TBCEL: variants seen among roughly 807,000 people sequenced by gnomAD.
The protein encoded by TBCEL is tubulin folding cofactor E like.
Under a neutral mutation model 44.2 loss-of-function variants are expected in TBCEL, and 15 were observed. That is an observed-to-expected ratio of 0.34 (90% confidence interval 0.23 to 0.52). The LOEUF (loss-of-function observed/expected upper bound fraction) is 0.52, where lower values mean the gene tolerates loss of function less well. Ranked by LOEUF, TBCEL falls within the 20% of genes least tolerant of loss-of-function variation. TBCEL has a pLI of 0.95. For synonymous variants in TBCEL, 171 were observed against 185.4 expected (o/e 0.92, Z 0.63); for missense variants, 319 against 506.3 (o/e 0.63, Z 3.55).
At position 121,060,018 on chromosome 11, in the gene TBCEL, C is replaced by T. The variant is rs377427847; in HGVS notation, c.889C>T (p.Arg297Ter). ...TGGCAGCGTTGTTACTGATGGTGAACGAGAAGATTCTGAGAGATTTTTTAT... is the reference window on the plus strand; with the variant it reads ...TGGCAGCGTTGTTACTGATGGTGAATGAGAAGATTCTGAGAGATTTTTTAT... ...LNGSVVTDGE[R>*]EDSERFFIRY... The change falls in exon 8 of 9, where the codon CGA becomes TGA. Residue 297 changes from arginine (R) to a stop codon, truncating the protein, a stop_gained. Transcript: ENST00000683345. LOFTEE classifies it high-confidence loss of function. The T allele has an allele frequency of 6.2e-7, 1 of 1,611,298 alleles. No individual in the cohort carries two copies. Among genetic ancestry groups the T allele is most frequent in the African/African-American group, 1.3e-5 (1 of 74,880 alleles).
chr11:121,068,654 T>C (rs10892669), intron 8 of TBCEL, among the ~76,000 whole-genome samples: 34,326 of 151,552 alleles, frequency 0.23, 3,958 homozygotes, highest in East Asian at 0.33. Context: ...GAGGCCAAGG[T>C]GTGCAGATCA....
chr11:121,041,979 T>C (rs570385630), intron 2 of TBCEL, among the ~76,000 whole-genome samples: 1 of 151,886 alleles, frequency 6.6e-6, no homozygotes, highest in Admixed American at 6.6e-5. Context: ...TATGGGACCA[T>C]GAGGAAAAGC....
chr11:121,037,228 A>G (rs1229585009), intron 2 of TBCEL, among the ~76,000 whole-genome samples: 1 of 152,222 alleles, frequency 6.6e-6, no homozygotes, highest in Non-Finnish European at 1.5e-5. Context: ...ATGGTGTGTT[A>G]TGATAAGGGA....
Position 121,045,817 on chromosome 11 carries a change from A to T in TBCEL, c.127A>T (p.Met43Leu). The change falls in exon 3 of 9, where the codon ATG becomes TTG. Residue 43 changes from methionine to leucine, a missense_variant. Transcript: ENST00000683345. The stretch of plus-strand genomic sequence containing the variant: ...CCCAGCCACACCTCAGGGCTCTCCT[A>T]TGAAAGGTAAGAAAGATGGGACCTA... ...HVPATPQGSP[M>L]KDRLNLPSVL... 2 of 1,583,072 alleles carry T rather than the reference A, an allele frequency of 1.3e-6. No homozygotes were observed. Among genetic ancestry groups the T allele is most frequent in the South Asian group, 1.2e-5 (1 of 84,698 alleles).
At chr11:121,082,630 G>A (rs79825485) in intron 8 of TBCEL, among the ~76,000 whole-genome samples, 2 of 152,300 alleles carry the variant, frequency 1.3e-5, no homozygotes, top group Non-Finnish European at 2.9e-5. Flanking sequence ...ATAAAGACAA[G>A]GATTGTCTTG....
At chr11:121,085,224 G>T (rs985421882) in intron 8 of TBCEL, among the ~76,000 whole-genome samples, 4 of 151,884 alleles carry the variant, frequency 2.6e-5, no homozygotes, top group African/African-American at 9.7e-5. Flanking sequence ...GTTTTTAGTA[G>T]AGACAGGGTT....
intron 8 of TBCEL, among the ~76,000 whole-genome samples, chr11:121,077,320 C>T (rs1201245001): frequency 6.6e-6 from 1 of 152,034 alleles, no homozygotes; most frequent in African/African-American, 2.4e-5. Context: ...GGACATATAG[C>T]ATGATTCAAG....
Position 121,087,098 on chromosome 11 carries a change from C to T in TBCEL, c.*2C>T, listed in dbSNP as rs1946229917. On this transcript the variant is annotated 3_prime_UTR_variant, in exon 9 of 9. Coordinates refer to ENST00000683345, the MANE Select transcript of TBCEL (RefSeq NM_001363644.2). Reference sequence around the variant, plus strand: ...TACGTGGAATCCAAAACAAAATAACCTCTACCAGCCTTGTGAAAAACATAC... The same window carrying T: ...TACGTGGAATCCAAAACAAAATAACTTCTACCAGCCTTGTGAAAAACATAC... 1.2e-6 allele frequency: 2 copies of T among 1,606,518 alleles called. No homozygotes were observed. Among genetic ancestry groups the T allele is most frequent in the Admixed American group, 1.7e-5 (1 of 58,480 alleles).
intron 1 of TBCEL, among the ~76,000 whole-genome samples, chr11:121,030,320 C>T (rs1371296865): frequency 6.6e-6 from 1 of 152,062 alleles, no homozygotes; most frequent in Non-Finnish European, 1.5e-5. Context: ...TCCTTGGCGA[C>T]CATGATGAAG....
intron 2 of TBCEL, 135 bp from the exon 3 acceptor site, chr11:121,045,539 T>C: frequency 1.6e-6 from 1 of 635,754 alleles, no homozygotes. Flanking sequence ...TATATGTTTC[T>C]GGGGTCAGTA....
At chr11:121,031,738 C>T (rs1945149661) in intron 1 of TBCEL, among the ~76,000 whole-genome samples, 1 of 138,554 alleles carries the variant, frequency 7.2e-6, no homozygotes, top group South Asian at 2.3e-4. Context: ...GATCTCTGCT[C>T]ACTGCAACCT....
Position 121,087,107 on chromosome 11 carries a change from C to A in TBCEL, c.*11C>A. 1 of 1,604,668 alleles carries A rather than the reference C, an allele frequency of 6.2e-7. No individual in the cohort carries two copies. The highest frequency in any genetic ancestry group is 8.5e-7 in the Non-Finnish European group (1 of 1,176,306). ...TCCAAAACAAAATAACCTCTACCAG[C>A]CTTGTGAAAAACATACACATAAGGA... On this transcript the variant is annotated 3_prime_UTR_variant, in exon 9 of 9. Coordinates refer to ENST00000683345, the MANE Select transcript of TBCEL (RefSeq NM_001363644.2).
chr11:121,030,251 C>CAGGAAAGGAGTGGG (rs1317458416), intron 1 of TBCEL, among the ~76,000 whole-genome samples: 1 of 152,016 alleles, frequency 6.6e-6, no homozygotes, highest in Non-Finnish European at 1.5e-5. Context: ...AGTAGTGGGC[C>CAGGAAAGGAGTGGG]AGGAAAGGAG....
At chr11:121,031,145 A>G (rs1233872892) in intron 1 of TBCEL, among the ~76,000 whole-genome samples, 2 of 152,306 alleles carry the variant, frequency 1.3e-5, no homozygotes, top group South Asian at 2.1e-4. Flanking sequence ...TGCTGTTGTT[A>G]CGGACATTCT....
At chr11:121,052,403 A>G (rs1945544503) in intron 4 of TBCEL, among the ~76,000 whole-genome samples, 1 of 151,852 alleles carries the variant, frequency 6.6e-6, no homozygotes, top group African/African-American at 2.4e-5. Flanking sequence ...TTTACAAATG[A>G]GGAAACTGAG....
intron 8 of TBCEL, among the ~76,000 whole-genome samples, chr11:121,061,936 GCTTT>G (rs1945731304): frequency 6.6e-6 from 1 of 151,910 alleles, no homozygotes; most frequent in African/African-American, 2.4e-5. Flanking sequence ...TACTTTATAA[GCTTT>G]CTAATTTTTT....
chr11:121,052,344 A>C (rs912633041), intron 4 of TBCEL, among the ~76,000 whole-genome samples: 9 of 151,792 alleles, frequency 5.9e-5, no homozygotes, highest in Admixed American at 2.6e-4. Context: ...AAGCACTTTA[A>C]TGTGTATCTC....
chr11:121,025,302 T>C (rs1316217386), intron 1 of TBCEL, among the ~76,000 whole-genome samples: 2 of 152,140 alleles, frequency 1.3e-5, no homozygotes, highest in East Asian at 3.8e-4. Flanking sequence ...TAGTCTATCT[T>C]GAGCAAAGAG....
At chr11:121,031,289 A>C (rs1051016942) in intron 1 of TBCEL, among the ~76,000 whole-genome samples, 3 of 152,230 alleles carry the variant, frequency 2.0e-5, no homozygotes, top group South Asian at 4.1e-4. Flanking sequence ...TGTTTGTACC[A>C]GTTGATACTC....
Sources: gnomAD v4.1 joint callset for allele counts (sites outside exome capture counted in the v4.1 genomes callset) on GRCh38, gnomAD v4.1.1 for gene constraint, MANE v1.5 for transcripts, NCBI Gene and HGNC (gene_info 2026-07-23, HGNC 2026-07-21) for gene names.